ACAP2: variants seen among roughly 807,000 people sequenced by gnomAD.
ACAP2 encodes arf-GAP with coiled-coil, ANK repeat and PH domain-containing protein 2.
ACAP2 carries 39 observed loss-of-function variants against 115.8 expected under a neutral mutation model. The ratio of observed to expected loss-of-function variants is 0.34; its 90% CI spans 0.26 to 0.44. The LOEUF (loss-of-function observed/expected upper bound fraction) is 0.44, where lower values mean the gene tolerates loss of function less well. Among genes scored for constraint, ACAP2 ranks in the 20% least tolerant of loss-of-function variants. ACAP2 has a pLI of 1.00. For synonymous variants in ACAP2, 289 were observed against 315.8 expected (o/e 0.92, Z 0.90); for missense variants, 662 against 927.6 (o/e 0.71, Z 3.72).
rs923767744 is a variant in ACAP2, at chr3:195,275,683, C to T, written c.*3645G>A. On this transcript the variant is annotated 3_prime_UTR_variant, in exon 23 of 23. Coordinates refer to ENST00000326793, the MANE Select transcript of ACAP2 (RefSeq NM_012287.6). ...GCCACCAGCTAGCAAATCAAGTGACCCTGCTCTGTAAAACAAAAGGAGCAC... is the reference window on the plus strand; with the variant it reads ...GCCACCAGCTAGCAAATCAAGTGACTCTGCTCTGTAAAACAAAAGGAGCAC... 7.2e-5 allele frequency: 11 copies of T among 152,226 alleles called. No homozygotes were observed. The East Asian group carries it at 2.1e-3, about 29-fold the overall frequency. The allele number at this position is 152,226 out of a possible 1,614,324, so 9.4% of individuals were successfully genotyped here.
intron 9 of ACAP2, among the ~76,000 whole-genome samples, chr3:195,323,572 A>T (rs371091823): frequency 6.6e-6 from 1 of 152,216 alleles, no homozygotes; most frequent in South Asian, 2.1e-4. Flanking sequence ...TATAATAAAG[A>T]TATTAATTTT....
chr3:195,376,728 G>A (rs928042638), intron 4 of ACAP2, among the ~76,000 whole-genome samples: 2 of 151,994 alleles, frequency 1.3e-5, no homozygotes, highest in African/African-American at 4.8e-5. Context: ...TAATCTTTAC[G>A]TGGCTAATAA....
At chr3:195,342,416 A>C in intron 6 of ACAP2, 55 bp downstream of exon 6, 3 of 1,482,508 alleles carry the variant, frequency 2.0e-6, no homozygotes, top group African/African-American at 2.9e-5. Flanking sequence ...CTCAAAAGTA[A>C]CAACCTGTTT....
chr3:195,382,031 GA>G lies in ACAP2; in HGVS notation c.112-10del, dbSNP rs139637475. The G allele has an allele frequency of 3.1e-4, 458 of 1,485,454 alleles. No homozygotes were observed. The highest frequency in any genetic ancestry group is 1.3e-3 in the Admixed American group (59 of 46,850). 92.0% of individuals were successfully genotyped at this position (1,485,454 alleles called of 1,614,324 possible). ...ATACAAAGTTTCACAAGCTGAAAAA[GA>G]AAAAAAAAATTCATCAGGTTGAAGA... On this transcript the variant is annotated splice_polypyrimidine_tract_variant and intron_variant, in intron 2 of 22. Coordinates refer to ENST00000326793, the MANE Select transcript of ACAP2 (RefSeq NM_012287.6).
chr3:195,380,487 G>C (rs528952412), intron 4 of ACAP2, among the ~76,000 whole-genome samples: 2 of 152,160 alleles, frequency 1.3e-5, no homozygotes, highest in Non-Finnish European at 2.9e-5. Context: ...CTTTGTAAAG[G>C]AATTTTGTGA....
intron 4 of ACAP2, among the ~76,000 whole-genome samples, chr3:195,354,117 T>A (rs1731793775): frequency 6.6e-6 from 1 of 152,220 alleles, no homozygotes; most frequent in Non-Finnish European, 1.5e-5. Context: ...CCTGTGTTAG[T>A]CTGCTAAGGA....
intron 4 of ACAP2, among the ~76,000 whole-genome samples, chr3:195,377,520 T>C (rs1326757567): frequency 6.6e-6 from 1 of 152,156 alleles, no homozygotes; most frequent in African/African-American, 2.4e-5. Context: ...ACTGGGAGTA[T>C]AACAGTAAAC....
At chr3:195,380,692 A>C (rs1733884065) in intron 4 of ACAP2, among the ~76,000 whole-genome samples, 1 of 152,214 alleles carries the variant, frequency 6.6e-6, no homozygotes, top group South Asian at 2.1e-4. Context: ...TCTTAAGTAC[A>C]TGCTTAAAAA....
intron 1 of ACAP2, among the ~76,000 whole-genome samples, chr3:195,422,146 T>G (rs939431635): frequency 1.3e-5 from 2 of 152,218 alleles, no homozygotes; most frequent in Admixed American, 6.5e-5. Flanking sequence ...AAGTGTATAA[T>G]GTACTCCCTT....
chr3:195,309,889 CTAAT>C (rs2108995138), intron 10 of ACAP2, among the ~76,000 whole-genome samples: 1 of 152,040 alleles, frequency 6.6e-6, no homozygotes, highest in African/African-American at 2.4e-5. Context: ...TTTACTAATT[CTAAT>C]TTATTAAAAC....
At chr3:195,327,698 A>C (rs893291495) in intron 8 of ACAP2, among the ~76,000 whole-genome samples, 1 of 152,076 alleles carries the variant, frequency 6.6e-6, no homozygotes, top group African/African-American at 2.4e-5. Context: ...TTGGGAGGCC[A>C]AGGTGGGCGG....
At chr3:195,386,500 G>C (rs1024209058) in intron 2 of ACAP2, among the ~76,000 whole-genome samples, 1 of 152,142 alleles carries the variant, frequency 6.6e-6, no homozygotes, top group East Asian at 1.9e-4. Context: ...CAGAGACATG[G>C]ATGAAGCTGG....
intron 21 of ACAP2, among the ~76,000 whole-genome samples, chr3:195,286,326 T>C (rs1726843155): frequency 6.6e-6 from 1 of 152,218 alleles, no homozygotes; most frequent in Non-Finnish European, 1.5e-5. Flanking sequence ...TATATTTTGA[T>C]ATACAAACAT....
chr3:195,275,136 G>A lies in ACAP2; in HGVS notation c.*4192C>T, dbSNP rs1726146251. On this transcript the variant is annotated 3_prime_UTR_variant, in exon 23 of 23. Transcript: ENST00000326793. ...AAATGGTGCCAACAATCTTTATAAT[G>A]TAGCAAGCTTTCCCTGTTTAATATC... 1 of 152,608 alleles carries A rather than the reference G, an allele frequency of 6.6e-6. No homozygotes were observed. The highest frequency in any genetic ancestry group is 2.1e-4 in the South Asian group (1 of 4,832). The allele number at this position is 152,608 out of a possible 1,614,324, so 9.5% of individuals were successfully genotyped here.
chr3:195,405,428 G>A (rs1014900455), intron 1 of ACAP2, among the ~76,000 whole-genome samples: 2 of 152,044 alleles, frequency 1.3e-5, no homozygotes, highest in African/African-American at 2.4e-5. Flanking sequence ...GGCTCACGCC[G>A]GTAATCCCAG....
chr3:195,420,565 G>C (rs576475195), intron 1 of ACAP2, among the ~76,000 whole-genome samples: 8 of 151,934 alleles, frequency 5.3e-5, no homozygotes, highest in African/African-American at 1.9e-4. Flanking sequence ...AGATGGTCTC[G>C]ATCTCCTGAC....
Position 195,302,181 on chromosome 3 carries a change from G to C in ACAP2, c.1117-7C>G. On this transcript the variant is annotated splice_polypyrimidine_tract_variant and splice_region_variant and intron_variant, in intron 13 of 22. Coordinates refer to ENST00000326793, the MANE Select transcript of ACAP2 (RefSeq NM_012287.6). Reference sequence around the variant, plus strand: ...ATGATTTCTTATCCAGCTTCTAAAAGAATTAAGAATTACTTGTTTTTAAAA... The same window carrying C: ...ATGATTTCTTATCCAGCTTCTAAAACAATTAAGAATTACTTGTTTTTAAAA... 1.9e-6 allele frequency: 3 copies of C among 1,594,178 alleles called. No individual in the cohort carries two copies. Among genetic ancestry groups the C allele is most frequent in the Non-Finnish European group, 2.6e-6 (3 of 1,170,338 alleles).
intron 1 of ACAP2, among the ~76,000 whole-genome samples, chr3:195,402,386 A>G (rs1332207526): frequency 1.3e-5 from 2 of 152,166 alleles, no homozygotes; most frequent in East Asian, 3.8e-4. Context: ...TGATACTATA[A>G]AAGTCTCCAG....
At chr3:195,387,454 T>C (rs1320729752) in intron 2 of ACAP2, among the ~76,000 whole-genome samples, 1 of 152,206 alleles carries the variant, frequency 6.6e-6, no homozygotes, top group Non-Finnish European at 1.5e-5. Context: ...AATATTGCTA[T>C]AATAATAAGA....
Sources: allele counts gnomAD v4.1 joint callset (sites outside exome capture counted in the v4.1 genomes callset), GRCh38; gene constraint gnomAD v4.1.1; transcripts MANE v1.5; gene names NCBI Gene and HGNC (gene_info 2026-07-23, HGNC 2026-07-21).